The following CRLF2 variants were observed in gnomAD, a reference collection of about 807,000 sequenced individuals.
CRLF2 encodes cytokine receptor-like factor 2.
Under a neutral mutation model 38.7 loss-of-function variants are expected in CRLF2, and 41 were observed. The ratio of observed to expected loss-of-function variants is 1.06; its 90% confidence interval spans 0.83 to 1.37. The LOEUF is 1.37. Among genes scored for constraint, CRLF2 ranks in the 40% most tolerant of loss-of-function variants. CRLF2 has a pLI of 0.00. For synonymous variants in CRLF2, 140 were observed against 128.8 expected (o/e 1.09, Z -0.59); for missense variants, 377 against 322.2 (o/e 1.17, Z -1.30).
intron 4 of CRLF2, 199 bp from the exon 5 acceptor site, chrX:1,198,923 T>C (rs375583247): frequency 7.2e-5 from 44 of 613,366 alleles, no homozygotes; most frequent in African/African-American, 6.6e-4. Flanking sequence ...CTGAGGCGGG[T>C]GGATCACCTG....
chrX:1,204,150 CTGTGTGTG>C (rs782552615), intron 3 of CRLF2, among the ~76,000 whole-genome samples: 1 of 124,712 alleles, frequency 8.0e-6, no homozygotes, highest in Non-Finnish European at 1.7e-5. Flanking sequence ...CCAGCTCACT[CTGTGTGTG>C]TGTGTGTGTG....
Position 1,207,554 on chromosome X carries a change from A to ACC in CRLF2, c.183-957_183-956dup, listed in dbSNP as rs202050512. The stretch of plus-strand genomic sequence containing the variant: ...GCTGGGATAACAGGCATGAGCCAAC[A>ACC]CCCCCCCCAAGAACTGCCCCTTTTA... On this transcript the variant is annotated intron_variant, in intron 2 of 7. Coordinates refer to ENST00000400841, the MANE Select transcript of CRLF2 (RefSeq NM_022148.4). 3.4e-4 allele frequency among the ~76,000 whole-genome samples: 37 copies of ACC among 109,526 alleles called. No homozygotes were observed. The South Asian group carries it at 4.3e-3, about 13-fold the overall frequency. The allele number at this position is 109,526 out of a possible 152,430, so 71.9% of individuals were successfully genotyped here.
chrX:1,212,581 C>A lies in CRLF2; in HGVS notation c.54G>T (p.Trp18Cys). The A allele has an allele frequency of 6.2e-7, 1 of 1,612,758 alleles. No individual in the cohort carries two copies. The highest frequency in any genetic ancestry group is 8.5e-7 in the Non-Finnish European group (1 of 1,179,288). ...CTGCTCCTCCTTGCCCCAAAGCCAT[C>A]CAGCCTCCCAGCAGAAAGACGGCAG... ...WGAAVFLLGG[W>C]MALGQGGAAE... The change falls in exon 1 of 8, where the codon TGG becomes TGT. Residue 18 changes from tryptophan to cysteine, a missense_variant. By Grantham distance (215) the Trp-to-Cys change is radical (BLOSUM62 -2). Transcript: ENST00000400841.
chrX:1,192,065 T>C (rs1167936915), intron 7 of CRLF2, among the ~76,000 whole-genome samples: 4,253 of 146,874 alleles, frequency 0.029, 118 homozygotes, highest in African/African-American at 0.076. Flanking sequence ...ATCAGCCGGG[T>C]GTGGTGGCGG....
chrX:1,191,345 CCTT>C (rs2086375228), intron 7 of CRLF2, among the ~76,000 whole-genome samples, 185 bp from the exon 8 acceptor site: 28 of 111,058 alleles, frequency 2.5e-4, no homozygotes, highest in South Asian at 6.2e-4. Context: ...TTCTTTCTTT[CCTT>C]CTTTCTTTCT....
intron 4 of CRLF2, among the ~76,000 whole-genome samples, chrX:1,201,180 T>C (rs183195712): frequency 6.6e-6 from 1 of 152,216 alleles, no homozygotes; most frequent in Admixed American, 6.5e-5. Flanking sequence ...GACAGCTGCA[T>C]AGGACAGCTG....
At chrX:1,191,321 C>CTTTCTT (rs2086372145) in intron 7 of CRLF2, among the ~76,000 whole-genome samples, 161 bp from the exon 8 acceptor site, 1 of 114,768 alleles carries the variant, frequency 8.7e-6, no homozygotes, top group African/African-American at 3.2e-5. Flanking sequence ...TTCTTTCTTT[C>CTTTCTT]TTTCTTTCTT....
In CRLF2 at chrX:1,191,370, C is replaced by T. The variant is rs1243188176; in HGVS notation, c.853-210G>A. Among the ~76,000 whole-genome samples the T allele has an allele frequency of 1.5e-4, 7 of 48,166 alleles. No homozygotes were observed. In the East Asian group the frequency reaches 8.5e-3, roughly 58 times the overall value. The allele number at this position is 48,166 out of a possible 152,430, so 31.6% of individuals were successfully genotyped here. A position where few individuals can be genotyped will look rare whatever the true frequency, so the allele number is the denominator to read the frequency against. On this transcript the variant is annotated intron_variant, in intron 7 of 7. Coordinates refer to ENST00000400841, the MANE Select transcript of CRLF2 (RefSeq NM_022148.4). ...CCTTCTTTCTTTCTTTCCTTTCTTT[C>T]TCTTTCTTTCTTTCTCTCTTTCTCT...
chrX:1,191,747 A>C (rs1411494708), intron 7 of CRLF2, among the ~76,000 whole-genome samples: 1 of 150,206 alleles, frequency 6.7e-6, no homozygotes, highest in East Asian at 2.0e-4. Context: ...GTCAGGCTGG[A>C]CTCGAACTCC....
At chrX:1,191,658 A>G (rs1313642883) in intron 7 of CRLF2, among the ~76,000 whole-genome samples, 4 of 151,262 alleles carry the variant, frequency 2.6e-5, no homozygotes, top group East Asian at 4.0e-4. Flanking sequence ...CAGCCTCCTG[A>G]GTAGCTGGGA....
intron 4 of CRLF2, among the ~76,000 whole-genome samples, chrX:1,199,795 T>C (rs1439688973): frequency 5.3e-5 from 8 of 151,906 alleles, no homozygotes; most frequent in African/African-American, 1.9e-4. Context: ...TAATTGTGTA[T>C]ATATAAGTTG....
rs144455167 is a variant in CRLF2, at chrX:1,198,113, G to C, written c.646+449C>G. 5.9e-5 allele frequency among the ~76,000 whole-genome samples: 9 copies of C among 152,050 alleles called. No homozygotes were observed. The East Asian group carries it at 9.7e-4, about 16-fold the overall frequency. On this transcript the variant is annotated intron_variant, in intron 5 of 7. Transcript: ENST00000400841. ...GATGACAGAAGGCTGAGCTTGCTCA[G>C]ACACACCCTCCTGGGAAGGCAGGAC...
chrX:1,211,055 GGGTGGATGGATGTGTT>G (rs1342057205), intron 1 of CRLF2, among the ~76,000 whole-genome samples: 1 of 151,672 alleles, frequency 6.6e-6, no homozygotes, highest in Admixed American at 6.6e-5. Context: ...TTTGATGGGT[GGGTGGATGGATGTGTT>G]GGTGGATGGA....
Position 1,207,841 on chromosome X carries a change from G to T in CRLF2, c.182+965C>A, listed in dbSNP as rs1471143187. Among the ~76,000 whole-genome samples, 4 of 151,406 alleles carry T rather than the reference G, an allele frequency of 2.6e-5. No homozygotes were observed. The East Asian group carries it at 7.8e-4, about 30-fold the overall frequency. On this transcript the variant is annotated intron_variant, in intron 2 of 7. Transcript: ENST00000400841. ...GTTTTTGTATTTTTAGTAGAGTTGG[G>T]GTTTCACCATGTTGGCCAGGATGGT...
intron 5 of CRLF2, among the ~76,000 whole-genome samples, chrX:1,197,800 T>C (rs1225394037): frequency 6.0e-5 from 9 of 149,892 alleles, no homozygotes; most frequent in Admixed American, 2.0e-4. Flanking sequence ...GACCACAGAC[T>C]GAGACTCCCT....
At chrX:1,195,287 C>T (rs1266181433) in intron 6 of CRLF2, among the ~76,000 whole-genome samples, 5 of 152,202 alleles carry the variant, frequency 3.3e-5, no homozygotes, top group East Asian at 3.9e-4. Flanking sequence ...AATATTGTTT[C>T]GTCTAGAACT....
In CRLF2 at chrX:1,208,688, C is replaced by T. The variant is rs1487399907; in HGVS notation, c.182+118G>A. The T allele has an allele frequency of 3.3e-5, 23 of 689,564 alleles. No individual in the cohort carries two copies. The African/African-American group carries it at 3.4e-4, about 10-fold the overall frequency. The allele number at this position is 689,564 out of a possible 1,614,324, so 42.7% of individuals were successfully genotyped here. A position where few individuals can be genotyped will look rare whatever the true frequency, so the allele number is the denominator to read the frequency against. ...TGAGGGTTTCACAGAACAAACATTC[C>T]GGCTTGCACAGTCTGATGCTTTACA... On this transcript the variant is annotated intron_variant, in intron 2 of 7. Transcript: ENST00000400841.
At chrX:1,192,477 G>T (rs1241218974) in intron 7 of CRLF2, among the ~76,000 whole-genome samples, 7 of 151,850 alleles carry the variant, frequency 4.6e-5, no homozygotes, top group Non-Finnish European at 1.0e-4. Flanking sequence ...TTAGCCAGGT[G>T]TGGTGGCGGG....
At chrX:1,208,065 T>C (rs2086724130) in intron 2 of CRLF2, among the ~76,000 whole-genome samples, 1 of 152,202 alleles carries the variant, frequency 6.6e-6, no homozygotes, top group East Asian at 1.9e-4. Context: ...CGCATACTTC[T>C]GGGTGTCTAA....
Sources: gnomAD v4.1 joint callset for allele counts (sites outside exome capture counted in the v4.1 genomes callset) on GRCh38, gnomAD v4.1.1 for gene constraint, MANE v1.5 for transcripts, NCBI Gene and HGNC (gene_info 2026-07-23, HGNC 2026-07-21) for gene names.